LRFN5: variants seen among roughly 807,000 people sequenced by gnomAD.
LRFN5 encodes the protein leucine rich repeat and fibronectin type III domain containing 5, also known as leucine-rich repeat and fibronectin type-III domain-containing protein 5.
LRFN5 carries 24 observed loss-of-function variants against 45.6 expected under a neutral mutation model. The ratio of observed to expected loss-of-function variants is 0.53; its 90% CI spans 0.38 to 0.74. The LOEUF (loss-of-function observed/expected upper bound fraction) is 0.74. Among genes scored for constraint, LRFN5 ranks in the 30% least tolerant of loss-of-function variants. The pLI, the probability that LRFN5 is intolerant of heterozygous loss-of-function variation, is 0.00. For missense variants in LRFN5, 776 were observed against 861.5 expected (o/e 0.90, Z 1.24); for synonymous variants, 340 against 313.8 (o/e 1.08, Z -0.88).
chr14:41,857,399 T>C (rs1205415434), intron 2 of LRFN5, among the ~76,000 whole-genome samples: 1 of 152,296 alleles, frequency 6.6e-6, no homozygotes, highest in African/African-American at 2.4e-5. Flanking sequence ...TGCGATAAAA[T>C]ATTTAGGAAA....
At chr14:41,814,505 G>A (rs1887849710) in intron 2 of LRFN5, among the ~76,000 whole-genome samples, 1 of 152,118 alleles carries the variant, frequency 6.6e-6, no homozygotes, top group African/African-American at 2.4e-5. Flanking sequence ...TTGACATAGA[G>A]AGTTTGAATT....
intron 1 of LRFN5, among the ~76,000 whole-genome samples, chr14:41,711,993 A>T (rs1165569713): frequency 2.0e-5 from 3 of 152,222 alleles, no homozygotes; most frequent in Admixed American, 6.5e-5. Context: ...TAAATGAAAA[A>T]TAATGTTGTA....
chr14:41,852,331 A>G (rs1889298561), intron 2 of LRFN5, among the ~76,000 whole-genome samples: 1 of 151,928 alleles, frequency 6.6e-6, no homozygotes, highest in South Asian at 2.1e-4. Flanking sequence ...CTTCTAATTT[A>G]TCACTACCAT....
intron 1 of LRFN5, among the ~76,000 whole-genome samples, chr14:41,670,304 T>C (rs898836041): frequency 0.073 from 1,357 of 18,512 alleles, 13 homozygotes; most frequent in African/African-American, 0.11. Flanking sequence ...TATATATATA[T>C]ACACACACAC....
In LRFN5 at chr14:41,834,007, T is replaced by G. The variant is rs559305965; in HGVS notation, c.-20-52599T>G. On this transcript the variant is annotated intron_variant, in intron 2 of 5. Coordinates refer to ENST00000298119, the MANE Select transcript of LRFN5 (RefSeq NM_152447.5). ...TGAATGAGTTTATAAATTGCCTATT[T>G]TAGTGCAGTGGTGTCCTGCTTTCCA... is the stretch of plus-strand genomic sequence containing the variant. Among the ~76,000 whole-genome samples, 28 of 152,294 alleles carry G rather than the reference T, an allele frequency of 1.8e-4. No homozygotes were observed. The South Asian group carries it at 5.8e-3, about 32-fold the overall frequency.
intron 1 of LRFN5, among the ~76,000 whole-genome samples, chr14:41,720,415 T>C (rs1201799991): frequency 6.6e-6 from 1 of 152,050 alleles, no homozygotes; most frequent in Non-Finnish European, 1.5e-5. Flanking sequence ...AATGTGTCTT[T>C]TCAGCAGAAT....
intron 1 of LRFN5, among the ~76,000 whole-genome samples, chr14:41,662,599 G>A (rs912291873): frequency 1.3e-5 from 2 of 152,004 alleles, no homozygotes; most frequent in Non-Finnish European, 1.5e-5. Context: ...CCACAGCCAA[G>A]CATCTATTGT....
In LRFN5 at chr14:41,901,953, T is replaced by C. The variant is rs559417922; in HGVS notation, c.2143-2205T>C. Among the ~76,000 whole-genome samples, 4 of 152,146 alleles carry C rather than the reference T, an allele frequency of 2.6e-5. No homozygotes were observed. The South Asian group carries it at 8.3e-4, about 32-fold the overall frequency. On this transcript the variant is annotated intron_variant, in intron 5 of 5. Transcript: ENST00000298119. ...ATAATTAAAGCATGTTTTTAACATATATATTTGAACATTATAACAAATTTT... is the reference window on the plus strand; with the variant it reads ...ATAATTAAAGCATGTTTTTAACATACATATTTGAACATTATAACAAATTTT...
intron 4 of LRFN5, chr14:41,893,984 G>C (rs1890863758): frequency 1.0e-6 from 1 of 984,878 alleles, no homozygotes; most frequent in Non-Finnish European, 1.2e-6. Context: ...ATGTAGTAAT[G>C]CTCTAATTCC....
At chr14:41,690,106 G>C (rs1445295532) in intron 1 of LRFN5, among the ~76,000 whole-genome samples, 2 of 151,944 alleles carry the variant, frequency 1.3e-5, no homozygotes, top group African/African-American at 4.8e-5. Flanking sequence ...TATGAATACA[G>C]ATGCCAAAAC....
intron 2 of LRFN5, among the ~76,000 whole-genome samples, chr14:41,845,351 A>G (rs542090798): frequency 6.6e-6 from 1 of 152,066 alleles, no homozygotes; most frequent in African/African-American, 2.4e-5. Flanking sequence ...ATCTGCATTT[A>G]TTGTGTTATT....
intron 1 of LRFN5, among the ~76,000 whole-genome samples, chr14:41,735,751 G>A (rs7153717): frequency 0.044 from 6,688 of 151,694 alleles, 332 homozygotes; most frequent in African/African-American, 0.12. Context: ...GCTATCCCTC[G>A]CCTTGTCCCC....
chr14:41,742,312 T>TACACACACAC (rs61109523), intron 1 of LRFN5, among the ~76,000 whole-genome samples: 34 of 145,242 alleles, frequency 2.3e-4, no homozygotes, highest in African/African-American at 6.0e-4. Flanking sequence ...GTGGTGTGTA[T>TACACACACAC]ACACACACAC....
In LRFN5 at chr14:41,822,836, C is replaced by CAT. The variant is rs533301022; in HGVS notation, c.-21+55814_-21+55815dup. 3.0e-4 allele frequency among the ~76,000 whole-genome samples: 39 copies of CAT among 131,120 alleles called. No individual in the cohort carries two copies. The East Asian group carries it at 7.9e-3, about 27-fold the overall frequency. The allele number at this position is 131,120 out of a possible 152,430, so 86.0% of individuals were successfully genotyped here. On this transcript the variant is annotated intron_variant, in intron 2 of 5. Transcript: ENST00000298119. ...AATCCAGGTGCTCTGGTATTGGTTG[C>CAT]ATATATATTTAGGGTTGTTTTTTTT...
rs1225945653 is a variant in LRFN5 at position 41,891,686 on chromosome 14, G to A, written c.1822G>A (p.Asp608Asn). 1.2e-6 allele frequency: 2 copies of A among 1,614,198 alleles called. No individual in the cohort carries two copies. The highest frequency in any genetic ancestry group is 3.3e-5 in the Admixed American group (2 of 60,022). Residue 608 changes from aspartate to asparagine, a missense_variant, in exon 4 of 6, where the codon GAC becomes AAC. Asp to Asn is a conservative substitution (Grantham distance 23). Coordinates refer to ENST00000298119, the MANE Select transcript of LRFN5 (RefSeq NM_152447.5). ...ENAQCCKATS[D>N]NVIQSSETCS... ...TGCCCAGTGTTGTAAAGCTACCAGTGACAATGTGATTCAATCTTCAGAAAC... is the reference window on the plus strand; with the variant it reads ...TGCCCAGTGTTGTAAAGCTACCAGTAACAATGTGATTCAATCTTCAGAAAC...
chr14:41,798,261 A>T (rs900406493), intron 2 of LRFN5, among the ~76,000 whole-genome samples: 1 of 151,944 alleles, frequency 6.6e-6, no homozygotes, highest in African/African-American at 2.4e-5. Flanking sequence ...GAGCTCTTCC[A>T]CTTCTGAAAA....
At chr14:41,784,300 A>C (rs1886639571) in intron 2 of LRFN5, among the ~76,000 whole-genome samples, 1 of 152,158 alleles carries the variant, frequency 6.6e-6, no homozygotes, top group Non-Finnish European at 1.5e-5. Flanking sequence ...TAGCTTTATA[A>C]TAAATGCTGA....
chr14:41,625,277 T>C (rs1196379133), intron 1 of LRFN5, among the ~76,000 whole-genome samples: 1 of 152,078 alleles, frequency 6.6e-6, no homozygotes, highest in Admixed American at 6.6e-5. Context: ...TGGATGGAGA[T>C]AATTGAATCA....
At chr14:41,809,293 A>G (rs962547244) in intron 2 of LRFN5, among the ~76,000 whole-genome samples, 3 of 152,134 alleles carry the variant, frequency 2.0e-5, no homozygotes, top group African/African-American at 7.2e-5. Context: ...AAGTGACTAT[A>G]ACAATTTGTT....
Sources: allele counts gnomAD v4.1 joint callset (sites outside exome capture counted in the v4.1 genomes callset), GRCh38; gene constraint gnomAD v4.1.1; transcripts MANE v1.5; gene names NCBI Gene and HGNC (gene_info 2026-07-23, HGNC 2026-07-21).